HS3ST5: variants seen among roughly 807,000 people sequenced by gnomAD.
HS3ST5 encodes heparan sulfate glucosamine 3-O-sulfotransferase 5.
A neutral mutation model predicts 25.4 loss-of-function variants in HS3ST5; 10 were observed. That is an observed-to-expected ratio of 0.39 (90% CI 0.24 to 0.67). The LOEUF is 0.67. HS3ST5 is among the 30% of genes least tolerant of loss of function. The probability of loss-of-function intolerance (pLI) is 0.44; values close to 1 mark genes in which losing one functional copy is unlikely to be tolerated. For synonymous variants in HS3ST5, 170 were observed against 162.4 expected (o/e 1.05, Z -0.36); for missense variants, 324 against 420.7 (o/e 0.77, Z 2.01).
chr6:114,202,898 G>A (rs1305230444), intron 2 of HS3ST5, among the ~76,000 whole-genome samples: 2 of 152,248 alleles, frequency 1.3e-5, no homozygotes, highest in East Asian at 1.9e-4. Flanking sequence ...TGACAAAATG[G>A]TGTTGCAAAT....
intron 1 of HS3ST5, among the ~76,000 whole-genome samples, chr6:114,267,571 C>T (rs1773460743): frequency 6.6e-6 from 1 of 152,082 alleles, no homozygotes; most frequent in Non-Finnish European, 1.5e-5. Context: ...ATCGGGGTAG[C>T]ATAAATCTAG....
At chr6:114,306,117 ATG>A (rs1191115465) in intron 1 of HS3ST5, among the ~76,000 whole-genome samples, 27 of 151,838 alleles carry the variant, frequency 1.8e-4, no homozygotes, top group African/African-American at 5.6e-4. Context: ...TTAAATAATT[ATG>A]ACTATTAAAA....
At chr6:114,309,740 A>C (rs1196093747) in intron 1 of HS3ST5, among the ~76,000 whole-genome samples, 1 of 152,190 alleles carries the variant, frequency 6.6e-6, no homozygotes, top group African/African-American at 2.4e-5. Flanking sequence ...TTTGTCTCAA[A>C]AACAACAAAA....
intron 1 of HS3ST5, among the ~76,000 whole-genome samples, chr6:114,288,888 C>G (rs187792228): frequency 6.6e-6 from 1 of 152,038 alleles, no homozygotes; most frequent in East Asian, 1.9e-4. Context: ...CTGCTAAGTA[C>G]TCATCTCTGC....
chr6:114,206,803 A>G (rs898931658), intron 2 of HS3ST5, among the ~76,000 whole-genome samples: 3 of 152,212 alleles, frequency 2.0e-5, no homozygotes, highest in South Asian at 4.1e-4. Context: ...AACATTTTCT[A>G]TAAGTTTTAT....
intron 3 of HS3ST5, among the ~76,000 whole-genome samples, chr6:114,098,781 G>T (rs1349626764): frequency 1.3e-5 from 2 of 151,564 alleles, no homozygotes; most frequent in African/African-American, 4.8e-5. Context: ...GTATTTTTTT[G>T]ATTTCAGTGT....
chr6:114,240,350 C>G (rs574261508), intron 1 of HS3ST5, among the ~76,000 whole-genome samples: 1 of 152,164 alleles, frequency 6.6e-6, no homozygotes, highest in Non-Finnish European at 1.5e-5. Context: ...TACTGCTTGA[C>G]TCTTTTCAAT....
chr6:114,246,336 T>C (rs1049764724), intron 1 of HS3ST5, among the ~76,000 whole-genome samples: 1 of 152,220 alleles, frequency 6.6e-6, no homozygotes, highest in Non-Finnish European at 1.5e-5. Context: ...TTGTAATTTG[T>C]CAGATAGCAT....
At chr6:114,196,409 C>T (rs1194286077) in intron 2 of HS3ST5, among the ~76,000 whole-genome samples, 1 of 152,102 alleles carries the variant, frequency 6.6e-6, no homozygotes, top group Non-Finnish European at 1.5e-5. Context: ...TTTCCATACC[C>T]GTCCTTCCGC....
intron 2 of HS3ST5, among the ~76,000 whole-genome samples, chr6:114,194,337 G>A (rs549830828): frequency 5.3e-5 from 8 of 152,230 alleles, no homozygotes; most frequent in Admixed American, 2.6e-4. Context: ...CTGGATGAAC[G>A]AACTGTTGGC....
At chr6:114,066,976 G>A (rs772000103) in intron 3 of HS3ST5, among the ~76,000 whole-genome samples, 19 of 152,238 alleles carry the variant, frequency 1.2e-4, no homozygotes, top group Non-Finnish European at 2.5e-4. Flanking sequence ...AGTGTGGACA[G>A]TCAGCTTCTC....
chr6:114,186,027 A>T (rs929244635), intron 2 of HS3ST5, among the ~76,000 whole-genome samples: 1 of 152,116 alleles, frequency 6.6e-6, no homozygotes, highest in Non-Finnish European at 1.5e-5. Context: ...CAGAGAACTT[A>T]ATCAATAAAT....
At chr6:114,223,891 C>T (rs1478246820) in intron 2 of HS3ST5, among the ~76,000 whole-genome samples, 1 of 151,572 alleles carries the variant, frequency 6.6e-6, no homozygotes, top group Non-Finnish European at 1.5e-5. Context: ...ACTTAGTCTA[C>T]CACCTAAAAA....
At chr6:114,332,234 G>C (rs540821047) in intron 1 of HS3ST5, among the ~76,000 whole-genome samples, 10 of 152,080 alleles carry the variant, frequency 6.6e-5, no homozygotes, top group Non-Finnish European at 1.3e-4. Flanking sequence ...GTAGTAGGGG[G>C]TTAGGGCAGG....
intron 2 of HS3ST5, among the ~76,000 whole-genome samples, chr6:114,219,231 AC>A (rs1330455471): frequency 6.6e-6 from 1 of 152,160 alleles, no homozygotes; most frequent in East Asian, 1.9e-4. Context: ...TTTTATTCTT[AC>A]CAATTTACAT....
At chr6:114,130,119 G>A (rs1338950643) in intron 3 of HS3ST5, among the ~76,000 whole-genome samples, 3 of 152,172 alleles carry the variant, frequency 2.0e-5, no homozygotes, top group Non-Finnish European at 4.4e-5. Flanking sequence ...GTCCAGTATG[G>A]TAGCCACTAG....
At chr6:114,229,572 C>T (rs1474259784) in intron 1 of HS3ST5, among the ~76,000 whole-genome samples, 2 of 152,182 alleles carry the variant, frequency 1.3e-5, no homozygotes, top group African/African-American at 2.4e-5. Flanking sequence ...TTTCTTGCTA[C>T]ACCTCTCACA....
At chr6:114,068,947 A>G (rs1034659533) in intron 3 of HS3ST5, among the ~76,000 whole-genome samples, 2 of 152,192 alleles carry the variant, frequency 1.3e-5, no homozygotes, top group African/African-American at 4.8e-5. Flanking sequence ...ATGTGGCCAG[A>G]AACGACAAAT....
chr6:114,072,181 G>T (rs1773861371), intron 3 of HS3ST5, among the ~76,000 whole-genome samples: 2 of 152,048 alleles, frequency 1.3e-5, no homozygotes, highest in African/African-American at 4.8e-5. Context: ...CTTTCAATCT[G>T]CAAATTCTGA....
Sources: gnomAD v4.1 joint callset for allele counts (sites outside exome capture counted in the v4.1 genomes callset) on GRCh38, gnomAD v4.1.1 for gene constraint, MANE v1.5 for transcripts, NCBI Gene and HGNC (gene_info 2026-07-23, HGNC 2026-07-21) for gene names.